The following CTNNA3 variants were observed in gnomAD, a reference collection of about 807,000 sequenced individuals.
CTNNA3 encodes catenin alpha 3.
In CTNNA3, 76 loss-of-function variants were observed where a neutral mutation model predicts 95.7. The observed-to-expected ratio is 0.79, with a 90% CI of 0.66 to 0.96. CTNNA3 has a LOEUF of 0.96. Among genes scored for constraint, CTNNA3 ranks in the 40% least tolerant of loss-of-function variants. CTNNA3 has a pLI of 0.00. For missense variants in CTNNA3, 1,191 were observed against 1,089.8 expected (o/e 1.09, Z -1.31); for synonymous variants, 431 against 374.4 (o/e 1.15, Z -1.74).
intron 15 of CTNNA3, among the ~76,000 whole-genome samples, chr10:65,995,658 T>C (rs1455568692): frequency 6.6e-6 from 1 of 152,210 alleles, no homozygotes; most frequent in Non-Finnish European, 1.5e-5. Context: ...AGTGGCAGTA[T>C]TGGGCCATGT....
chr10:66,593,604 G>T (rs2132235389), intron 10 of CTNNA3, among the ~76,000 whole-genome samples: 1 of 152,136 alleles, frequency 6.6e-6, no homozygotes, highest in East Asian at 1.9e-4. Flanking sequence ...ACCTTATTTA[G>T]AAATTTAATT....
intron 1 of CTNNA3, among the ~76,000 whole-genome samples, chr10:67,751,824 A>C (rs1316382760): frequency 1.3e-5 from 2 of 150,930 alleles, no homozygotes; most frequent in East Asian, 4.0e-4. Flanking sequence ...GCAGTAATAA[A>C]TAGCTACCAA....
At chr10:67,465,441 G>A (rs1322017999) in intron 5 of CTNNA3, among the ~76,000 whole-genome samples, 1 of 152,084 alleles carries the variant, frequency 6.6e-6, no homozygotes, top group African/African-American at 2.4e-5. Flanking sequence ...AGAGGAAAAC[G>A]ATGAGGCTAG....
intron 10 of CTNNA3, among the ~76,000 whole-genome samples, chr10:66,621,156 TCTTTCAG>T (rs1347987591): frequency 6.6e-6 from 1 of 152,168 alleles, no homozygotes; most frequent in Non-Finnish European, 1.5e-5. Flanking sequence ...AAGAGTCAAT[TCTTTCAG>T]CTGATTTGAA....
rs139165668 is a variant in CTNNA3 at position 66,867,044 on chromosome 10, A to G, written c.1048-91520T>C. On this transcript the variant is annotated intron_variant, in intron 7 of 17. Coordinates refer to ENST00000433211, the MANE Select transcript of CTNNA3 (RefSeq NM_013266.4). Reference sequence around the variant, plus strand: ...CTCATTTTCTCTCTTGTCTGCTGCCATGTAAGATGTGCCTTTCACCTTCTC... The same window carrying G: ...CTCATTTTCTCTCTTGTCTGCTGCCGTGTAAGATGTGCCTTTCACCTTCTC... Among the ~76,000 whole-genome samples the G allele has an allele frequency of 8.1e-3, 1,237 of 152,226 alleles. 24 individuals carry two copies. Among genetic ancestry groups the G allele is most frequent in the African/African-American group, 0.028 (1,164 of 41,510 alleles).
intron 10 of CTNNA3, among the ~76,000 whole-genome samples, chr10:66,549,187 G>A (rs113272903): frequency 6.6e-6 from 1 of 151,562 alleles, no homozygotes; most frequent in South Asian, 2.1e-4. Context: ...GTAGAGATAG[G>A]GTTTCACCTT....
At chr10:66,206,704 T>C (rs2087779175) in intron 13 of CTNNA3, among the ~76,000 whole-genome samples, 1 of 151,948 alleles carries the variant, frequency 6.6e-6, no homozygotes, top group Non-Finnish European at 1.5e-5. Context: ...TAGAAGATTT[T>C]GTCATTAAAC....
intron 7 of CTNNA3, among the ~76,000 whole-genome samples, chr10:67,127,011 G>C (rs1232565674): frequency 6.6e-6 from 1 of 152,066 alleles, no homozygotes; most frequent in Non-Finnish European, 1.5e-5. Context: ...TTTTAATACA[G>C]CTACAGCATA....
chr10:67,010,301 A>C (rs943322608), intron 7 of CTNNA3, among the ~76,000 whole-genome samples: 3 of 152,220 alleles, frequency 2.0e-5, no homozygotes, highest in Admixed American at 2.0e-4. Context: ...ATTAGTTAGA[A>C]TAATCTTTGG....
intron 11 of CTNNA3, among the ~76,000 whole-genome samples, chr10:66,390,880 T>C (rs1400072914): frequency 2.0e-5 from 3 of 152,138 alleles, no homozygotes; most frequent in East Asian, 1.9e-4. Flanking sequence ...TAAAGTCCCT[T>C]CTTCCTCTTT....
At chr10:67,016,918 T>C (rs988452694) in intron 7 of CTNNA3, among the ~76,000 whole-genome samples, 7 of 152,170 alleles carry the variant, frequency 4.6e-5, no homozygotes, top group African/African-American at 1.7e-4. Flanking sequence ...AAAATAAGTT[T>C]TACCATCAAA....
At chr10:66,540,740 G>T (rs972685856) in intron 10 of CTNNA3, among the ~76,000 whole-genome samples, 1 of 151,762 alleles carries the variant, frequency 6.6e-6, no homozygotes, top group African/African-American at 2.4e-5. Context: ...AAATTTGGGA[G>T]AGCCAGGGTT....
chr10:67,402,898 C>A (rs1253180896), intron 5 of CTNNA3, among the ~76,000 whole-genome samples: 1 of 152,212 alleles, frequency 6.6e-6, no homozygotes, highest in Non-Finnish European at 1.5e-5. Flanking sequence ...TCCATACATA[C>A]CCCTAGGAAG....
chr10:67,394,742 T>C (rs937546101), intron 5 of CTNNA3, among the ~76,000 whole-genome samples: 1 of 152,126 alleles, frequency 6.6e-6, no homozygotes, highest in Non-Finnish European at 1.5e-5. Flanking sequence ...GTTATTCAGG[T>C]CATTTTTACA....
intron 6 of CTNNA3, among the ~76,000 whole-genome samples, chr10:67,207,965 T>C (rs1445847262): frequency 2.0e-5 from 3 of 152,140 alleles, no homozygotes; most frequent in African/African-American, 7.2e-5. Flanking sequence ...TCACCAAACA[T>C]TTGAGAAACA....
rs1331661144 is a variant in CTNNA3, at chr10:66,379,459, A to G, written c.1532-107T>C. ...ACTTCTGACTTCAGATAGAGTGCAC[A>G]TTGGAAATGGAAGACTTTGAGAATT... On this transcript the variant is annotated intron_variant, in intron 11 of 17. Coordinates refer to ENST00000433211, the MANE Select transcript of CTNNA3 (RefSeq NM_013266.4). 8 of 914,322 alleles carry G rather than the reference A, an allele frequency of 8.7e-6. No individual in the cohort carries two copies. The East Asian group carries it at 2.0e-4, about 23-fold the overall frequency. 56.6% of individuals were successfully genotyped at this position (914,322 alleles called of 1,614,324 possible).
chr10:67,466,527 C>T (rs929644847), intron 5 of CTNNA3, among the ~76,000 whole-genome samples: 1 of 152,116 alleles, frequency 6.6e-6, no homozygotes, highest in African/African-American at 2.4e-5. Context: ...AAAACTGAGA[C>T]ATATTTTTCT....
chr10:66,602,639 C>CA, intron 10 of CTNNA3, among the ~76,000 whole-genome samples: 1 of 151,630 alleles, frequency 6.6e-6, no homozygotes, highest in Non-Finnish European at 1.5e-5. Context: ...AGAGACTCAA[C>CA]AAAAAAAGGA....
intron 5 of CTNNA3, among the ~76,000 whole-genome samples, chr10:67,426,339 AG>A (rs988937632): frequency 9.2e-5 from 14 of 152,224 alleles, no homozygotes; most frequent in African/African-American, 3.4e-4. Flanking sequence ...CTAAAAGCAA[AG>A]GGGAAAACTA....
Sources: gnomAD v4.1 joint callset for allele counts (sites outside exome capture counted in the v4.1 genomes callset) on GRCh38, gnomAD v4.1.1 for gene constraint, MANE v1.5 for transcripts, NCBI Gene and HGNC (gene_info 2026-07-23, HGNC 2026-07-21) for gene names.